The following SLC14A2 variants were observed in gnomAD, a reference collection of about 807,000 sequenced individuals.
SLC14A2 encodes the protein solute carrier family 14 member 2.
In SLC14A2, 91 loss-of-function variants were observed where a neutral mutation model predicts 104.6. That is an observed-to-expected ratio of 0.87 (90% confidence interval 0.73 to 1.04). The LOEUF (loss-of-function observed/expected upper bound fraction) is 1.04, where lower values mean the gene tolerates loss of function less well. Among genes scored for constraint, SLC14A2 ranks in the 50% least tolerant of loss-of-function variants. The pLI is 0.00. For synonymous variants in SLC14A2, 476 were observed against 466.4 expected (o/e 1.02, Z -0.27); for missense variants, 1,189 against 1,156.0 (o/e 1.03, Z -0.41).
chr18:45,671,608 G>A (rs1209130947), intron 16 of SLC14A2, among the ~76,000 whole-genome samples: 1 of 152,022 alleles, frequency 6.6e-6, no homozygotes, highest in East Asian at 1.9e-4. Context: ...CCTTTGCCCT[G>A]CATGGTGAGG....
chr18:45,252,034 C>T (rs565119515), intron 1 of SLC14A2, among the ~76,000 whole-genome samples: 16 of 152,228 alleles, frequency 1.1e-4, no homozygotes, highest in Admixed American at 1.0e-3. Context: ...CAACAGCTTG[C>T]CTCAGAGGCT....
intron 19 of SLC14A2, among the ~76,000 whole-genome samples, chr18:45,680,535 A>C (rs1396036454): frequency 6.6e-6 from 1 of 152,232 alleles, no homozygotes; most frequent in African/African-American, 2.4e-5. Context: ...TTATGGGACC[A>C]TCCAAGCTCT....
the SLC14A2 span, among the ~76,000 whole-genome samples, chr18:45,196,037 G>A: frequency 1.3e-5 from 2 of 152,318 alleles, no homozygotes; most frequent in African/African-American, 4.8e-5. Context: ...GAAGATGGAA[G>A]TGAAGTACAG....
At chr18:45,560,147 T>G (rs557734428) in intron 2 of SLC14A2, among the ~76,000 whole-genome samples, 2 of 152,352 alleles carry the variant, frequency 1.3e-5, no homozygotes, top group African/African-American at 4.8e-5. Context: ...TCTACTGCAT[T>G]AGCCAGGGCA....
chr18:45,556,046 G>C (rs539095825), intron 2 of SLC14A2, among the ~76,000 whole-genome samples: 1 of 152,120 alleles, frequency 6.6e-6, no homozygotes, highest in Non-Finnish European at 1.5e-5. Context: ...GTCCAAAATC[G>C]GGGTGCCAGC....
chr18:45,312,650 C>G (rs1349861950), intron 1 of SLC14A2, among the ~76,000 whole-genome samples: 1 of 152,220 alleles, frequency 6.6e-6, no homozygotes, highest in Non-Finnish European at 1.5e-5. Context: ...TGGAATGCCT[C>G]TGCAATCAGC....
chr18:45,380,983 TC>T (rs1265081725), intron 1 of SLC14A2, among the ~76,000 whole-genome samples: 1 of 152,250 alleles, frequency 6.6e-6, no homozygotes, highest in Non-Finnish European at 1.5e-5. Context: ...AGCTCCTTTG[TC>T]CAGCTCTAGT....
chr18:45,310,791 G>A (rs1349953010), intron 1 of SLC14A2, among the ~76,000 whole-genome samples: 3 of 152,214 alleles, frequency 2.0e-5, no homozygotes, highest in African/African-American at 4.8e-5. Flanking sequence ...TAAAGCCAAA[G>A]CAGGTCATTG....
chr18:45,359,483 G>T (rs2085589389), intron 1 of SLC14A2, among the ~76,000 whole-genome samples: 1 of 152,182 alleles, frequency 6.6e-6, no homozygotes, highest in Non-Finnish European at 1.5e-5. Context: ...ACAGGCCCAG[G>T]CTGCATTCCT....
intron 1 of SLC14A2, among the ~76,000 whole-genome samples, chr18:45,481,036 A>G (rs2087482780): frequency 6.6e-6 from 1 of 152,148 alleles, no homozygotes; most frequent in Admixed American, 6.5e-5. Flanking sequence ...AAGTTTAAAA[A>G]GTAAGCACTG....
chr18:45,440,077 C>A (rs2086659067), intron 1 of SLC14A2, among the ~76,000 whole-genome samples: 1 of 152,058 alleles, frequency 6.6e-6, no homozygotes, highest in Non-Finnish European at 1.5e-5. Context: ...TAAAAAGAGG[C>A]CTGTGTAGGT....
At chr18:45,539,894 T>TAAAA (rs531647287) in intron 2 of SLC14A2, among the ~76,000 whole-genome samples, 37 of 135,768 alleles carry the variant, frequency 2.7e-4, no homozygotes, top group Admixed American at 6.6e-4. Flanking sequence ...ATGAAAAGAG[T>TAAAA]AAAAAAAAAA....
chr18:45,386,297 C>T (rs1218791988), intron 1 of SLC14A2, among the ~76,000 whole-genome samples: 1 of 152,130 alleles, frequency 6.6e-6, no homozygotes, highest in African/African-American at 2.4e-5. Flanking sequence ...AATTTCATTT[C>T]TAAAACCCAT....
At chr18:45,503,958 C>T (rs576352121) in intron 2 of SLC14A2, among the ~76,000 whole-genome samples, 1 of 152,320 alleles carries the variant, frequency 6.6e-6, no homozygotes, top group East Asian at 1.9e-4. Context: ...CCAGAACCAT[C>T]GCTTCCTGTC....
intron 1 of SLC14A2, among the ~76,000 whole-genome samples, chr18:45,277,679 G>A (rs1351422890): frequency 6.6e-6 from 1 of 152,146 alleles, no homozygotes; most frequent in Non-Finnish European, 1.5e-5. Flanking sequence ...AAAGTGTTGG[G>A]CTTACAGGCA....
intron 18 of SLC14A2, among the ~76,000 whole-genome samples, chr18:45,677,859 G>A (rs1398119922): frequency 2.6e-5 from 4 of 152,126 alleles, no homozygotes; most frequent in Non-Finnish European, 5.9e-5. Context: ...CTGTCACCCA[G>A]GCTAGATCAC....
chr18:45,298,736 A>G (rs981467139), intron 1 of SLC14A2, among the ~76,000 whole-genome samples: 19 of 152,288 alleles, frequency 1.2e-4, no homozygotes, highest in African/African-American at 4.6e-4. Flanking sequence ...AATCTCTCCT[A>G]TACTCAGCCT....
chr18:45,433,409 A>G (rs568532459), intron 1 of SLC14A2, among the ~76,000 whole-genome samples: 12 of 152,332 alleles, frequency 7.9e-5, no homozygotes, highest in Non-Finnish European at 1.6e-4. Flanking sequence ...TATGATGGAT[A>G]TAAAAAGCCT....
the SLC14A2 span, among the ~76,000 whole-genome samples, chr18:45,176,145 C>T: frequency 2.6e-5 from 4 of 152,180 alleles, no homozygotes; most frequent in Admixed American, 6.5e-5. Flanking sequence ...AGCTTGCCCA[C>T]TCGAAGTTGT....
Sources: allele counts gnomAD v4.1 joint callset (sites outside exome capture counted in the v4.1 genomes callset), GRCh38; gene constraint gnomAD v4.1.1; transcripts MANE v1.5; gene names NCBI Gene and HGNC (gene_info 2026-07-23, HGNC 2026-07-21).